ASIC2: variants seen among roughly 807,000 people sequenced by gnomAD.
ASIC2 encodes the protein acid-sensing ion channel 2.
In ASIC2, 25 loss-of-function variants were observed where a neutral mutation model predicts 57.3. The observed-to-expected ratio is 0.44, with a 90% CI of 0.32 to 0.61. The LOEUF (loss-of-function observed/expected upper bound fraction) is 0.61. ASIC2 is among the 20% of genes least tolerant of loss of function. ASIC2 has a pLI of 0.06. For missense variants in ASIC2, 641 were observed against 738.1 expected, an observed-to-expected ratio of 0.87 and a Z score of 1.52; for synonymous variants, 319 against 307.5, an observed-to-expected ratio of 1.04 and a Z score of -0.39.
chr17:33,569,408 G>A (rs949728044), intron 1 of ASIC2: 9 of 152,250 alleles, frequency 5.9e-5, no homozygotes, highest in African/African-American at 1.9e-4. Context: ...TGATCAATGA[G>A]CCCCTGTCAC....
At chr17:33,271,075 G>A (rs1323725001) in intron 1 of ASIC2, among the ~76,000 whole-genome samples, 1 of 152,118 alleles carries the variant, frequency 6.6e-6, no homozygotes, top group Non-Finnish European at 1.5e-5. Context: ...CTAAACAGGG[G>A]AGAAGCCTGT....
intron 1 of ASIC2, among the ~76,000 whole-genome samples, chr17:33,777,239 C>T (rs1411068333): frequency 6.6e-6 from 1 of 152,114 alleles, no homozygotes; most frequent in African/African-American, 2.4e-5. Context: ...TGGGCTTTTG[C>T]CTGCATCCTA....
chr17:33,759,301 A>G lies in ASIC2; in HGVS notation c.555+396677T>C, dbSNP rs1041406694. Among the ~76,000 whole-genome samples the G allele has an allele frequency of 6.6e-5, 10 of 152,346 alleles. No individual in the cohort carries two copies. The South Asian group carries it at 1.0e-3, about 16-fold the overall frequency. ...GAATTTAAGAGTAACAGAAGAGCAT[A>G]TCTGGCGGAAAAAATTTCTAAACAG... is the stretch of plus-strand genomic sequence containing the variant. On this transcript the variant is annotated intron_variant, in intron 1 of 9. Transcript: ENST00000359872.
At chr17:34,152,695 G>A (rs142631584) in intron 1 of ASIC2, among the ~76,000 whole-genome samples, 206 of 152,318 alleles carry the variant, frequency 1.4e-3, no homozygotes, top group African/African-American at 4.6e-3. Context: ...TCACATGTTA[G>A]ATGACCAAGT....
In ASIC2 at chr17:33,756,319, C is replaced by T. The variant is rs973542274; in HGVS notation, c.555+399659G>A. On this transcript the variant is annotated intron_variant, in intron 1 of 9. Coordinates refer to the ASIC2 transcript ENST00000359872. ...TTCCAAACACCAGCCCCTCAGATGG[C>T]AAGTGCAGCTCAGGTGTCTTTATGG... is the stretch of plus-strand genomic sequence containing the variant. Among the ~76,000 whole-genome samples the T allele has an allele frequency of 6.6e-5, 10 of 152,346 alleles. No homozygotes were observed. In the East Asian group the frequency reaches 1.9e-3, roughly 29 times the overall value.
At chr17:33,379,377 A>G (rs1224432405) in intron 1 of ASIC2, among the ~76,000 whole-genome samples, 3 of 152,240 alleles carry the variant, frequency 2.0e-5, no homozygotes, top group African/African-American at 4.8e-5. Context: ...GGGCACACTC[A>G]TAAGTTATTT....
intron 1 of ASIC2, among the ~76,000 whole-genome samples, chr17:33,900,169 A>G (rs1280797817): frequency 1.3e-5 from 2 of 152,242 alleles, no homozygotes; most frequent in African/African-American, 4.8e-5. Flanking sequence ...CATATTAATA[A>G]GTATCATATG....
chr17:34,056,139 T>A (rs1034856952), intron 1 of ASIC2, among the ~76,000 whole-genome samples: 2 of 152,198 alleles, frequency 1.3e-5, no homozygotes, highest in African/African-American at 4.8e-5. Flanking sequence ...GGTCTCTAGC[T>A]TGAAAAACTG....
rs11314344 is a variant in ASIC2, at chr17:33,831,583, TAA to T, written c.555+324393_555+324394del. Among the ~76,000 whole-genome samples the T allele has an allele frequency of 5.9e-3, 838 of 142,554 alleles. 3 individuals carry two copies. The highest frequency in any genetic ancestry group is 7.9e-3 in the Non-Finnish European group (516 of 65,436). 93.5% of individuals were successfully genotyped at this position (142,554 alleles called of 152,430 possible). A position where few individuals can be genotyped will look rare whatever the true frequency, so the allele number is the denominator to read the frequency against. On this transcript the variant is annotated intron_variant, in intron 1 of 9. Transcript: ENST00000359872. ...CTTAAAATCTTTCTCTGATCTGAAG[TAA>T]AAAAAAAAAAAAAATAGAGTCCTGC...
chr17:33,748,358 A>G (rs934453969), intron 1 of ASIC2, among the ~76,000 whole-genome samples: 1 of 152,214 alleles, frequency 6.6e-6, no homozygotes, highest in African/African-American at 2.4e-5. Context: ...CCTTCAGTGC[A>G]GGGGCTTGGC....
Position 33,813,097 on chromosome 17 carries a change from G to T in ASIC2, c.555+342881C>A, listed in dbSNP as rs1326881270. ...ATGTGGGACAGAGAGCATCATCCAT[G>T]AGGTTCTACCATGGAAAGCCTTTAT... On this transcript the variant is annotated intron_variant, in intron 1 of 9. Transcript: ENST00000359872. 2.0e-5 allele frequency among the ~76,000 whole-genome samples: 3 copies of T among 152,186 alleles called. No homozygotes were observed. The East Asian group carries it at 5.8e-4, about 29-fold the overall frequency.
rs146526775 is a variant in ASIC2 at position 33,808,441 on chromosome 17, C to A, written c.555+347537G>T. 7.4e-3 allele frequency among the ~76,000 whole-genome samples: 1,121 copies of A among 152,302 alleles called. 17 individuals carry two copies. Among genetic ancestry groups the A allele is most frequent in the African/African-American group, 0.025 (1,044 of 41,570 alleles). ...TTAATCACTGTAGCTTCATAGTAAG[C>A]CTTGAAGTTGGGTAGTGTCAGTCTT... On this transcript the variant is annotated intron_variant, in intron 1 of 9. Coordinates refer to the ASIC2 transcript ENST00000359872.
At chr17:33,595,510 C>T (rs1904954194) in intron 1 of ASIC2, among the ~76,000 whole-genome samples, 1 of 152,234 alleles carries the variant, frequency 6.6e-6, no homozygotes, top group African/African-American at 2.4e-5. Context: ...GCGTAAGAAG[C>T]ATTGGGAGCC....
intron 1 of ASIC2, among the ~76,000 whole-genome samples, chr17:33,342,950 C>G (rs1907788386): frequency 6.6e-6 from 1 of 152,116 alleles, no homozygotes; most frequent in Non-Finnish European, 1.5e-5. Context: ...CTCAGGTGGA[C>G]CAGAAGCATG....
At chr17:33,737,867 T>A (rs1458960694) in intron 1 of ASIC2, among the ~76,000 whole-genome samples, 4 of 152,236 alleles carry the variant, frequency 2.6e-5, no homozygotes. Context: ...CTCTTCAGAC[T>A]GCAATCCAGT....
At chr17:33,568,215 C>G (rs1916308775) in intron 1 of ASIC2, among the ~76,000 whole-genome samples, 1 of 152,180 alleles carries the variant, frequency 6.6e-6, no homozygotes, top group Non-Finnish European at 1.5e-5. Context: ...ATTAGCATAC[C>G]TTGGTTCAGG....
At chr17:34,049,331 G>A (rs567778423) in intron 1 of ASIC2, among the ~76,000 whole-genome samples, 58 of 152,124 alleles carry the variant, frequency 3.8e-4, no homozygotes, top group Non-Finnish European at 3.7e-4. Flanking sequence ...TATGTTGTAG[G>A]CAATAGTCCT....
chr17:33,957,080 G>T (rs1597948746), intron 1 of ASIC2, among the ~76,000 whole-genome samples: 1 of 152,212 alleles, frequency 6.6e-6, no homozygotes, highest in East Asian at 1.9e-4. Flanking sequence ...ATGAGCATCT[G>T]GAAAAGCTCG....
At chr17:33,340,992 T>A (rs1907698171) in intron 1 of ASIC2, among the ~76,000 whole-genome samples, 2 of 152,148 alleles carry the variant, frequency 1.3e-5, no homozygotes, top group Non-Finnish European at 2.9e-5. Context: ...TAGTCATGTG[T>A]GGATAGAGAA....
Sources: allele counts gnomAD v4.1 joint callset (sites outside exome capture counted in the v4.1 genomes callset), GRCh38; gene constraint gnomAD v4.1.1; transcripts MANE v1.5; gene names NCBI Gene and HGNC (gene_info 2026-07-23, HGNC 2026-07-21).